DRC11: variants seen among roughly 807,000 people sequenced by gnomAD.
DRC11 encodes IQ and AAA domain-containing protein 1.
At chr2:236,415,094 G>T in the DRC11 span, among the ~76,000 whole-genome samples, 1 of 151,942 alleles carries the variant, frequency 6.6e-6, no homozygotes, top group African/African-American at 2.4e-5. This position sits in a 1 kb window ranked among gnomAD's most constrained non-coding sequence, Gnocchi z 5.7. Context: ...GTGACATTCA[G>T]AAAATAACCT....
the DRC11 span, among the ~76,000 whole-genome samples, chr2:236,490,365 CCACT>C: frequency 6.6e-6 from 1 of 152,120 alleles, no homozygotes; most frequent in Non-Finnish European, 1.5e-5. The surrounding 1 kb of genome is among the most constrained non-coding windows in gnomAD (Gnocchi z 5.5). Context: ...ACTAAGCAAC[CCACT>C]ACCCTTCAAC....
chr2:236,399,614 C>T, the DRC11 span: 1 of 740,478 alleles, frequency 1.4e-6, no homozygotes, highest in South Asian at 1.6e-5. The surrounding 1 kb of genome is among the most constrained non-coding windows in gnomAD (Gnocchi z 7.0). Context: ...TGGGCAGTGC[C>T]CCTCTGGCCC....
chr2:236,500,850 C>G, the DRC11 span, among the ~76,000 whole-genome samples: 1 of 152,046 alleles, frequency 6.6e-6, no homozygotes, highest in African/African-American at 2.4e-5. The surrounding 1 kb of genome is among the most constrained non-coding windows in gnomAD (Gnocchi z 6.3). Flanking sequence ...AGGCATCCAC[C>G]ACCATGCCCA....
the DRC11 span, among the ~76,000 whole-genome samples, chr2:236,478,303 C>T: frequency 2.0e-5 from 3 of 152,102 alleles, no homozygotes; most frequent in Admixed American, 1.3e-4. This position sits in a 1 kb window ranked among gnomAD's most constrained non-coding sequence, Gnocchi z 5.9. Flanking sequence ...TTCATTGACC[C>T]ATTGGTCATT....
At chr2:236,396,078 G>A in the DRC11 span, among the ~76,000 whole-genome samples, 1 of 152,084 alleles carries the variant, frequency 6.6e-6, no homozygotes, top group Admixed American at 6.5e-5. Context: ...AATGGATTGA[G>A]TTTTCCACTG....
At chr2:236,419,524 C>T in the DRC11 span, among the ~76,000 whole-genome samples, 3 of 152,154 alleles carry the variant, frequency 2.0e-5, no homozygotes, top group Non-Finnish European at 4.4e-5. This position sits in a 1 kb window ranked among gnomAD's most constrained non-coding sequence, Gnocchi z 4.8. Flanking sequence ...AGCCCAGTTC[C>T]TTCCCTAATT....
chr2:236,401,575 T>C, the DRC11 span, among the ~76,000 whole-genome samples: 11 of 152,240 alleles, frequency 7.2e-5, no homozygotes, highest in African/African-American at 2.6e-4. The surrounding 1 kb of genome is among the most constrained non-coding windows in gnomAD (Gnocchi z 4.6). Context: ...TACAATGAAA[T>C]GTTGAACTCA....
At chr2:236,478,005 TTG>T in the DRC11 span, among the ~76,000 whole-genome samples, 25,195 of 146,708 alleles carry the variant, frequency 0.17, 2,313 homozygotes, top group Non-Finnish European at 0.21. The surrounding 1 kb of genome is among the most constrained non-coding windows in gnomAD (Gnocchi z 5.9). Context: ...TTTTGTTGAT[TTG>T]TGTGTGTGTG....
chr2:236,438,617 C>G, the DRC11 span, among the ~76,000 whole-genome samples: 3 of 151,924 alleles, frequency 2.0e-5, no homozygotes, highest in Non-Finnish European at 2.9e-5. Flanking sequence ...CTTTTATTTC[C>G]TTGAGCAGTG....
the DRC11 span, among the ~76,000 whole-genome samples, chr2:236,384,089 A>T: frequency 2.0e-5 from 3 of 152,026 alleles, no homozygotes; most frequent in African/African-American, 7.2e-5. Flanking sequence ...GTTGGTTCCA[A>T]GTCTTTGCTA....
chr2:236,357,224 A>G, the DRC11 span, among the ~76,000 whole-genome samples: 2 of 117,546 alleles, frequency 1.7e-5, no homozygotes, highest in South Asian at 4.9e-4. Context: ...GTATATATCT[A>G]TTATAAATGT....
chr2:236,462,340 G>A, the DRC11 span, among the ~76,000 whole-genome samples: 1 of 152,098 alleles, frequency 6.6e-6, no homozygotes, highest in Non-Finnish European at 1.5e-5. The surrounding 1 kb of genome is among the most constrained non-coding windows in gnomAD (Gnocchi z 6.4). Flanking sequence ...AACAGACCAG[G>A]TGGGCCGTAC....
chr2:236,400,806 G>A, the DRC11 span, among the ~76,000 whole-genome samples: 4 of 152,136 alleles, frequency 2.6e-5, no homozygotes, highest in Admixed American at 6.5e-5. This position sits in a 1 kb window ranked among gnomAD's most constrained non-coding sequence, Gnocchi z 7.9. Context: ...ACAGTCCCTC[G>A]TGGTTGTGTA....
At chr2:236,496,518 G>A in the DRC11 span, among the ~76,000 whole-genome samples, 18 of 152,300 alleles carry the variant, frequency 1.2e-4, no homozygotes, top group Admixed American at 2.6e-4. The surrounding 1 kb of genome is among the most constrained non-coding windows in gnomAD (Gnocchi z 6.3). Context: ...CCCTGTGCTC[G>A]GCAGGAACGT....
At chr2:236,358,417 TATATGAATATATATC>T in the DRC11 span, among the ~76,000 whole-genome samples, 1 of 140,024 alleles carries the variant, frequency 7.1e-6, no homozygotes, top group South Asian at 2.2e-4. Context: ...ATATATATGA[TATATGAATATATATC>T]ATATATAAAT....
chr2:236,392,965 T>C, the DRC11 span, among the ~76,000 whole-genome samples: 2 of 152,192 alleles, frequency 1.3e-5, no homozygotes, highest in African/African-American at 4.8e-5. The surrounding 1 kb of genome is among the most constrained non-coding windows in gnomAD (Gnocchi z 5.1). Context: ...TGGAGAAACA[T>C]GACCCTAGAC....
the DRC11 span, among the ~76,000 whole-genome samples, chr2:236,366,042 A>G: frequency 1.8e-4 from 27 of 152,150 alleles, no homozygotes; most frequent in Non-Finnish European, 2.9e-5. Flanking sequence ...GAATCACTAA[A>G]AGCTGGACCA....
At chr2:236,408,277 A>G in the DRC11 span, 1 of 857,196 alleles carries the variant, frequency 1.2e-6, no homozygotes, top group South Asian at 1.3e-5. This position sits in a 1 kb window ranked among gnomAD's most constrained non-coding sequence, Gnocchi z 5.5. Context: ...AGCACGTGCC[A>G]CAGAGAAGGC....
the DRC11 span, among the ~76,000 whole-genome samples, chr2:236,448,006 A>T: frequency 6.6e-6 from 1 of 152,246 alleles, no homozygotes; most frequent in South Asian, 2.1e-4. The surrounding 1 kb of genome is among the most constrained non-coding windows in gnomAD (Gnocchi z 5.3). Flanking sequence ...TCGAAGTATA[A>T]TTGAGGGAAA....
Sources: gnomAD v4.1 joint callset for allele counts (sites outside exome capture counted in the v4.1 genomes callset) on GRCh38, gnomAD v4.1.1 for gene constraint, Gnocchi (gnomAD v3.1) non-coding constraint, MANE v1.5 for transcripts, NCBI Gene and HGNC (gene_info 2026-07-23, HGNC 2026-07-21) for gene names.